WT1: variants seen among roughly 807,000 people sequenced by gnomAD.
WT1 encodes Wilms tumor protein.
A neutral mutation model predicts 60.8 loss-of-function variants in WT1; 8 were observed. That is an observed-to-expected ratio of 0.13 (90% CI 0.08 to 0.24). The LOEUF is 0.24. Ranked by LOEUF, WT1 falls within the 10% of genes least tolerant of loss-of-function variation. The pLI, the probability that WT1 is intolerant of heterozygous loss-of-function variation, is 1.00. For synonymous variants in WT1, 312 were observed against 297.1 expected (o/e 1.05, Z -0.52); for missense variants, 568 against 711.8 (o/e 0.80, Z 2.30).
chr11:32,396,378 C>CGG lies in WT1; in HGVS notation c.1141_1142dup (p.Thr382ArgfsTer73), dbSNP rs1564972993. On this transcript the variant is annotated frameshift_variant, in exon 7 of 10. Transcript: ENST00000452863. LOFTEE classifies it high-confidence loss of function. Reference sequence around the variant, plus strand: ...TCTCAGATGCCGACCGTACAAGAGTCGGGGCTACTCCAGGCACACGTCGCA... The same window carrying CGG: ...TCTCAGATGCCGACCGTACAAGAGTCGGGGGGCTACTCCAGGCACACGTCGCA... 6.2e-7 allele frequency: 1 copy of CGG among 1,614,066 alleles called. No homozygotes were observed. The highest frequency in any genetic ancestry group is 1.1e-5 in the South Asian group (1 of 91,064).
Position 32,389,065 on chromosome 11 carries a change from G to T in WT1, c.1562C>A (p.Ala521Glu), listed in dbSNP as rs749266841. 1 of 1,614,210 alleles carries T rather than the reference G, an allele frequency of 6.2e-7. No individual in the cohort carries two copies. The highest frequency in any genetic ancestry group is 8.5e-7 in the Non-Finnish European group (1 of 1,180,024). The stretch of plus-strand genomic sequence containing the variant: ...GTCCCCGAGGGAGACCCCTCAAAGC[G>T]CCAGCTGGAGTTTGGTCATGTTTCT... Residue 521 changes from alanine to glutamate, a missense_variant, in exon 10 of 10, where the codon GCG becomes GAG. By Grantham distance (107) the Ala-to-Glu change is moderately radical. Around this residue, in one of 3 missense-constraint regions of WT1, gnomAD observed 29 missense variants for 46.8 expected, o/e 0.62. Transcript: ENST00000452863.
chr11:32,427,572 T>C (rs1443555119), intron 3 of WT1, among the ~76,000 whole-genome samples: 1 of 152,144 alleles, frequency 6.6e-6, no homozygotes, highest in Admixed American at 6.5e-5. Context: ...GCCTTCGAGG[T>C]AGTCTGGCCG....
intron 1 of WT1, chr11:32,430,644 C>A: frequency 6.6e-7 from 1 of 1,507,230 alleles, no homozygotes; most frequent in Non-Finnish European, 8.9e-7. Flanking sequence ...CGAGTCGCGG[C>A]ACCCACTCTC....
At chr11:32,426,664 A>G (rs1853049391) in intron 3 of WT1, among the ~76,000 whole-genome samples, 1 of 152,086 alleles carries the variant, frequency 6.6e-6, no homozygotes, top group Non-Finnish European at 1.5e-5. Context: ...TTTCGAATAG[A>G]TAAACCGGAT....
chr11:32,430,868 T>G, intron 1 of WT1: 1 of 1,205,912 alleles, frequency 8.3e-7, no homozygotes, highest in Non-Finnish European at 1.0e-6. Context: ...GACACGGGTT[T>G]GATTAGAGCG....
intron 3 of WT1, among the ~76,000 whole-genome samples, chr11:32,425,258 A>G (rs1173412958): frequency 6.6e-6 from 1 of 152,068 alleles, no homozygotes; most frequent in Non-Finnish European, 1.5e-5. Flanking sequence ...AGTCAGCCTC[A>G]GAGGGTCAAA....
intron 5 of WT1, among the ~76,000 whole-genome samples, chr11:32,412,421 C>G (rs938897568): frequency 1.1e-4 from 16 of 152,146 alleles, no homozygotes; most frequent in Non-Finnish European, 1.9e-4. Flanking sequence ...CGATTTCCCA[C>G]TCCCCCTACC....
At chr11:32,428,699 G>A (rs886212046) in intron 1 of WT1, 80 bp from the exon 2 acceptor site, 6 of 1,370,544 alleles carry the variant, frequency 4.4e-6, no homozygotes, top group Non-Finnish European at 5.7e-6. Context: ...AGCCACGGGC[G>A]GGGGGGGTGT....
intron 1 of WT1, among the ~76,000 whole-genome samples, chr11:32,432,285 G>A (rs970630569): frequency 6.6e-6 from 1 of 152,106 alleles, no homozygotes; most frequent in Non-Finnish European, 1.5e-5. Context: ...GCGCTCTGAT[G>A]GCCATTTCCA....
At chr11:32,428,852 C>T (rs1474454323) in intron 1 of WT1, 1 of 618,358 alleles carries the variant, frequency 1.6e-6, no homozygotes, top group Non-Finnish European at 2.8e-6. Context: ...AAACCCCCAC[C>T]TCGCTTTTTC....
rs572101470 is a variant in WT1, at chr11:32,395,483, T to A, written c.1264+774A>T. Reference sequence around the variant, plus strand: ...ATCATCATCTCTCTCTCTCCTTTTTTTTTTTTTTGGCAGAGTCTTGCTCTG... The same window carrying A: ...ATCATCATCTCTCTCTCTCCTTTTTATTTTTTTTGGCAGAGTCTTGCTCTG... On this transcript the variant is annotated intron_variant, in intron 7 of 9. Transcript: ENST00000452863. Among the ~76,000 whole-genome samples, 11 of 152,140 alleles carry A rather than the reference T, an allele frequency of 7.2e-5. No individual in the cohort carries two copies. In the South Asian group the frequency reaches 1.5e-3, roughly 20 times the overall value.
intron 6 of WT1, among the ~76,000 whole-genome samples, chr11:32,398,070 T>C (rs1276013442): frequency 6.6e-6 from 1 of 152,330 alleles, no homozygotes; most frequent in East Asian, 1.9e-4. Context: ...ATTGTATTCG[T>C]CAGGGGAGAG....
At position 32,434,716 on chromosome 11, in the gene WT1, G is replaced by C. The variant is rs749405227; in HGVS notation, c.645C>G (p.Pro215=). The C allele has an allele frequency of 3.7e-6, 6 of 1,612,984 alleles. No homozygotes were observed. In the East Asian group the frequency reaches 6.7e-5, roughly 18 times the overall value. Residue 215 remains proline (P), a synonymous_variant, in exon 1 of 10, where the codon CCC becomes CCG. Coordinates refer to ENST00000452863, the MANE Select transcript of WT1 (RefSeq NM_024426.6). The stretch of plus-strand genomic sequence containing the variant: ...CCTACTTACCCTGATTGCGAATAGC[G>C]GGCTGGCTCTCGAGGCAGCTGGGCA...
intron 5 of WT1, among the ~76,000 whole-genome samples, chr11:32,406,555 A>G (rs966595609): frequency 6.6e-6 from 1 of 152,182 alleles, no homozygotes; most frequent in Non-Finnish European, 1.5e-5. Flanking sequence ...TGGTATAAAG[A>G]AAGCACAAGG....
chr11:32,409,893 C>T (rs1247265944), intron 5 of WT1, among the ~76,000 whole-genome samples: 1 of 151,390 alleles, frequency 6.6e-6, no homozygotes, highest in East Asian at 1.9e-4. Context: ...TCCCATTGAC[C>T]ATTTTTTTCC....
intron 1 of WT1, among the ~76,000 whole-genome samples, chr11:32,429,326 G>C (rs1257732328): frequency 6.6e-6 from 1 of 152,094 alleles, no homozygotes; most frequent in Non-Finnish European, 1.5e-5. Flanking sequence ...GACCACTGCT[G>C]TAGGAGCCAA....
intron 5 of WT1, among the ~76,000 whole-genome samples, chr11:32,413,524 C>T (rs1428976932): frequency 6.6e-6 from 1 of 152,212 alleles, no homozygotes; most frequent in African/African-American, 2.4e-5. Flanking sequence ...CAGTTCTGGG[C>T]TGTTCATGAG....
rs994854964 is a variant in WT1, at chr11:32,416,386, T to C, written c.1016+104A>G. On this transcript the variant is annotated intron_variant, in intron 5 of 9. Coordinates refer to ENST00000452863, the MANE Select transcript of WT1 (RefSeq NM_024426.6). ...AGAGAGATTCTTCCCATCCACCAAA[T>C]GCTACCCTGATTACCCACGTCAGTC... is the stretch of plus-strand genomic sequence containing the variant. The C allele has an allele frequency of 4.6e-5, 65 of 1,425,910 alleles. No individual in the cohort carries two copies. In the East Asian group the frequency reaches 1.5e-3, roughly 32 times the overall value. 88.3% of individuals were successfully genotyped at this position (1,425,910 alleles called of 1,614,324 possible).
intron 6 of WT1, among the ~76,000 whole-genome samples, chr11:32,398,950 A>G (rs1344552206): frequency 6.6e-6 from 1 of 151,100 alleles, no homozygotes; most frequent in African/African-American, 2.5e-5. Flanking sequence ...AGGTCAGGAG[A>G]TCAAGACCAT....
Sources: allele counts gnomAD v4.1 joint callset (sites outside exome capture counted in the v4.1 genomes callset), GRCh38; gene constraint gnomAD v4.1.1; regional missense constraint gnomAD v4.1.1; transcripts MANE v1.5; gene names NCBI Gene and HGNC (gene_info 2026-07-23, HGNC 2026-07-21).